BCAS3: variants seen among roughly 807,000 people sequenced by gnomAD.
BCAS3 encodes BCAS4/BCAS3 fusion.
BCAS3 carries 53 observed loss-of-function variants against 116.1 expected under a neutral mutation model. That is an observed-to-expected ratio of 0.46 (90% CI 0.37 to 0.57). BCAS3 has a LOEUF of 0.57. Ranked by LOEUF, BCAS3 falls within the 20% of genes least tolerant of loss-of-function variation. The probability of loss-of-function intolerance (pLI) is 0.00; values close to 1 mark genes in which losing one functional copy is unlikely to be tolerated. For synonymous variants in BCAS3, 391 were observed against 408.2 expected (o/e 0.96, Z 0.51); for missense variants, 917 against 1,165.4 (o/e 0.79, Z 3.10).
chr17:60,891,358 C>T (rs2057135654), intron 10 of BCAS3, among the ~76,000 whole-genome samples: 3 of 152,194 alleles, frequency 2.0e-5, no homozygotes, highest in Non-Finnish European at 4.4e-5. Flanking sequence ...CCTGAATATG[C>T]ACCAGTTGTT....
intron 4 of BCAS3, among the ~76,000 whole-genome samples, chr17:60,699,691 A>C (rs1020342298): frequency 1.3e-5 from 2 of 152,172 alleles, no homozygotes; most frequent in Admixed American, 1.3e-4. Flanking sequence ...CCATTTAATA[A>C]TTTTGATTTT....
Position 61,259,991 on chromosome 17 carries a change from A to T in BCAS3, c.2426-108336A>T, listed in dbSNP as rs2049061251. On this transcript the variant is annotated intron_variant, in intron 22 of 23. Transcript: ENST00000407086. The surrounding 1 kb of genome is among the most constrained non-coding windows in gnomAD (Gnocchi z 4.7). ...AGGCTGCCTAACATAGTTTTTTATT[A>T]ATCCTCACAACAGTCCTTTAAGGTA... 6.6e-6 allele frequency among the ~76,000 whole-genome samples: 1 copy of T among 152,216 alleles called. No homozygotes were observed. Among genetic ancestry groups the T allele is most frequent in the Non-Finnish European group, 1.5e-5 (1 of 68,022 alleles).
chr17:60,807,501 G>A (rs187377493), intron 6 of BCAS3, among the ~76,000 whole-genome samples: 1 of 152,310 alleles, frequency 6.6e-6, no homozygotes, highest in East Asian at 1.9e-4. Flanking sequence ...GCCAGTTCAG[G>A]CTGGCCATTG....
At chr17:61,177,602 C>T (rs1012245001) in intron 22 of BCAS3, among the ~76,000 whole-genome samples, 5 of 152,184 alleles carry the variant, frequency 3.3e-5, no homozygotes, top group African/African-American at 4.8e-5. Context: ...TGGCAGTGAT[C>T]ACTACACTAT....
intron 6 of BCAS3, among the ~76,000 whole-genome samples, chr17:60,763,850 A>G (rs2043805113): frequency 6.6e-6 from 1 of 152,150 alleles, no homozygotes; most frequent in South Asian, 2.1e-4. Context: ...TTGGTAGGCT[A>G]TTAATTATTG....
At chr17:61,291,584 G>A (rs1266137056) in intron 22 of BCAS3, among the ~76,000 whole-genome samples, 1 of 152,204 alleles carries the variant, frequency 6.6e-6, no homozygotes, top group Non-Finnish European at 1.5e-5. Flanking sequence ...CCATCCAAGA[G>A]CTGACAAGTC....
chr17:60,854,954 T>TG (rs1457282632), intron 7 of BCAS3, among the ~76,000 whole-genome samples: 1 of 140,582 alleles, frequency 7.1e-6, no homozygotes, highest in Non-Finnish European at 1.5e-5. Context: ...GTGAGGTTTT[T>TG]TTTTTTTTTT....
At chr17:61,014,592 T>C (rs1381251582) in intron 15 of BCAS3, among the ~76,000 whole-genome samples, 2 of 152,044 alleles carry the variant, frequency 1.3e-5, no homozygotes. Flanking sequence ...AATCACAGTT[T>C]GCTTTTCCCC....
chr17:61,369,189 T>G (rs927168266), intron 23 of BCAS3, among the ~76,000 whole-genome samples: 2 of 152,154 alleles, frequency 1.3e-5, no homozygotes, highest in African/African-American at 2.4e-5. Flanking sequence ...CCAAAACCCT[T>G]CTTTGTTCTA....
chr17:61,026,915 G>A lies in BCAS3; in HGVS notation c.1638-7751G>A. The A allele has an allele frequency of 2.5e-6, 4 of 1,599,988 alleles. No individual in the cohort carries two copies. Among genetic ancestry groups the A allele is most frequent in the Admixed American group, 1.7e-5 (1 of 58,450 alleles). On this transcript the variant is annotated intron_variant, in intron 16 of 23. Coordinates refer to ENST00000407086, the MANE Select transcript of BCAS3 (RefSeq NM_017679.5). The surrounding 1 kb of genome is among the most constrained non-coding windows in gnomAD (Gnocchi z 5.0). Reference sequence around the variant, plus strand: ...TTTTTCCATAAAAGCCCCATGGTGAGTTCCAGTTCAGTCCCGCATGCCTCA... The same window carrying A: ...TTTTTCCATAAAAGCCCCATGGTGAATTCCAGTTCAGTCCCGCATGCCTCA...
At chr17:60,802,979 C>T (rs929675531) in intron 6 of BCAS3, among the ~76,000 whole-genome samples, 7 of 152,090 alleles carry the variant, frequency 4.6e-5, no homozygotes, top group African/African-American at 1.4e-4. Context: ...TGTTGGAACC[C>T]TCTGATGGAT....
At chr17:60,818,632 G>A (rs942778261) in intron 7 of BCAS3, among the ~76,000 whole-genome samples, 12 of 152,046 alleles carry the variant, frequency 7.9e-5, no homozygotes, top group East Asian at 7.7e-4. Flanking sequence ...GATTTATGCC[G>A]TTTTCCCAGT....
intron 19 of BCAS3, among the ~76,000 whole-genome samples, chr17:61,060,852 C>T (rs1279104937): frequency 1.3e-5 from 2 of 152,162 alleles, no homozygotes; most frequent in South Asian, 4.1e-4. Flanking sequence ...TTAAAGATCA[C>T]AACTCCCCAC....
chr17:60,858,023 A>G (rs765363900), intron 7 of BCAS3, among the ~76,000 whole-genome samples: 1 of 152,054 alleles, frequency 6.6e-6, no homozygotes, highest in Non-Finnish European at 1.5e-5. Flanking sequence ...TGTAGCCATC[A>G]TGAGCTCCTA....
chr17:61,284,206 G>T (rs867857499), intron 22 of BCAS3, among the ~76,000 whole-genome samples: 1 of 152,094 alleles, frequency 6.6e-6, no homozygotes, highest in Admixed American at 6.5e-5. Context: ...CCAAATAAGG[G>T]AATAAAAATT....
chr17:61,003,965 C>G (rs2064466215), intron 15 of BCAS3: 1 of 151,958 alleles, frequency 6.6e-6, no homozygotes, highest in Non-Finnish European at 1.5e-5. Flanking sequence ...GGTCAGTTTT[C>G]CCACAAAGAA....
rs140792147 is a variant in BCAS3, at chr17:61,080,288, C to T, written c.2327+1759C>T. On this transcript the variant is annotated intron_variant, in intron 21 of 23. Transcript: ENST00000407086. ...TTGAAATCTCTCCTTTCACAGATGCCACATCTAATTCTTCACCAACTTATG... is the reference window on the plus strand; with the variant it reads ...TTGAAATCTCTCCTTTCACAGATGCTACATCTAATTCTTCACCAACTTATG... Among the ~76,000 whole-genome samples, 23 of 152,228 alleles carry T rather than the reference C, an allele frequency of 1.5e-4. 1 individual carries two copies. In the East Asian group the frequency reaches 4.4e-3, roughly 29 times the overall value.
At chr17:60,808,332 A>G (rs1021444148) in intron 7 of BCAS3, among the ~76,000 whole-genome samples, 3 of 152,244 alleles carry the variant, frequency 2.0e-5, no homozygotes, top group Non-Finnish European at 4.4e-5. Flanking sequence ...GTGAACAAAT[A>G]CAAATATCTT....
intron 7 of BCAS3, among the ~76,000 whole-genome samples, chr17:60,834,583 A>G (rs1366209661): frequency 6.6e-6 from 1 of 152,048 alleles, no homozygotes; most frequent in Non-Finnish European, 1.5e-5. Flanking sequence ...TACTAGAGTA[A>G]TAAAACTGGG....
Sources: allele counts gnomAD v4.1 joint callset (sites outside exome capture counted in the v4.1 genomes callset), GRCh38; gene constraint gnomAD v4.1.1; non-coding constraint Gnocchi (gnomAD v3.1); transcripts MANE v1.5; gene names NCBI Gene and HGNC (gene_info 2026-07-23, HGNC 2026-07-21).